The following CCDC180 variants were observed in gnomAD, a reference collection of about 807,000 sequenced individuals.
CCDC180 encodes the protein coiled-coil domain-containing protein 180.
A neutral mutation model predicts 209.2 loss-of-function variants in CCDC180; 154 were observed. The ratio of observed to expected loss-of-function variants is 0.74; its 90% CI spans 0.65 to 0.84. The LOEUF is 0.84. Among genes scored for constraint, CCDC180 ranks in the 40% least tolerant of loss-of-function variants. The pLI is 0.00. For synonymous variants in CCDC180, 778 were observed against 749.1 expected (o/e 1.04, Z -0.63); for missense variants, 1,874 against 1,997.3 (o/e 0.94, Z 1.18).
intron 16 of CCDC180, among the ~76,000 whole-genome samples, chr9:97,329,061 G>C (rs1323473348): frequency 2.0e-5 from 3 of 152,102 alleles, no homozygotes; most frequent in African/African-American, 7.2e-5. Context: ...ACTGAACCTG[G>C]CCAAAGGTTT....
intron 3 of CCDC180, 22 bp from the exon 4 acceptor site, chr9:97,312,091 C>A: frequency 6.2e-7 from 1 of 1,610,548 alleles, no homozygotes; most frequent in Admixed American, 1.7e-5. Flanking sequence ...TGGGACTTCA[C>A]TCTTCTCTGC....
intron 15 of CCDC180, among the ~76,000 whole-genome samples, chr9:97,327,645 C>T (rs1262473590): frequency 1.3e-5 from 2 of 152,082 alleles, no homozygotes; most frequent in African/African-American, 4.8e-5. Flanking sequence ...AGTACGTAAC[C>T]CTATGAGCCT....
intron 18 of CCDC180, 139 bp from the exon 19 acceptor site, chr9:97,343,201 G>C (rs891632818): frequency 5.2e-6 from 3 of 572,056 alleles, no homozygotes; most frequent in Middle Eastern, 5.3e-4. Flanking sequence ...TGTGGGGGGC[G>C]AAAAAACCTA....
chr9:97,345,639 T>C (rs988542579), intron 19 of CCDC180: 7 of 409,670 alleles, frequency 1.7e-5, no homozygotes, highest in African/African-American at 1.5e-4. Context: ...TAATTCCAGC[T>C]ACTCAAGAGG....
At chr9:97,324,761 T>C (rs890046017) in intron 13 of CCDC180, among the ~76,000 whole-genome samples, 2 of 152,214 alleles carry the variant, frequency 1.3e-5, no homozygotes, top group African/African-American at 4.8e-5. Flanking sequence ...TGTCAGAGAC[T>C]TTTGTGGAGC....
At chr9:97,344,664 C>G (rs1826195747) in intron 19 of CCDC180, among the ~76,000 whole-genome samples, 1 of 152,148 alleles carries the variant, frequency 6.6e-6, no homozygotes. Flanking sequence ...CCCTGTAACT[C>G]CAGAATCTTG....
In CCDC180 at chr9:97,361,720, C is replaced by T. The variant is rs1826758531; in HGVS notation, c.3484-6C>T. 3 of 1,613,646 alleles carry T rather than the reference C, an allele frequency of 1.9e-6. No individual in the cohort carries two copies. The East Asian group carries it at 6.7e-5, about 36-fold the overall frequency. The stretch of plus-strand genomic sequence containing the variant: ...ACACCCTCAGGCCCTTCTCTCTGGC[C>T]TGCAGAACACCATCCTGAAGGACCA... On this transcript the variant is annotated splice_polypyrimidine_tract_variant and splice_region_variant and intron_variant, in intron 26 of 36. Coordinates refer to ENST00000529487, the MANE Select transcript of CCDC180 (RefSeq NM_020893.6).
chr9:97,374,530 C>CT lies in CCDC180; in HGVS notation c.4601-9dup. ...GGTGAGGCTGCAGTCACTAGCCTGT[C>CT]TTTTGCCTCTAGGGATGGAGCCCCC... On this transcript the variant is annotated splice_polypyrimidine_tract_variant and intron_variant, in intron 34 of 36. Coordinates refer to ENST00000529487, the MANE Select transcript of CCDC180 (RefSeq NM_020893.6). 1 of 1,606,898 alleles carries CT rather than the reference C, an allele frequency of 6.2e-7. No homozygotes were observed. Among genetic ancestry groups the CT allele is most frequent in the African/African-American group, 1.3e-5 (1 of 74,884 alleles).
intron 3 of CCDC180, 53 bp from the exon 4 acceptor site, chr9:97,312,060 G>A: frequency 6.6e-7 from 1 of 1,524,048 alleles, no homozygotes; most frequent in South Asian, 1.1e-5. Flanking sequence ...TGCCAGAGCT[G>A]CCATGGATGG....
intron 8 of CCDC180, 48 bp from the exon 9 acceptor site, chr9:97,317,017 C>A (rs754757799): frequency 1.3e-6 from 2 of 1,542,042 alleles, no homozygotes; most frequent in Middle Eastern, 1.7e-4. Context: ...TGCCCTGACC[C>A]GAGAGAGACC....
At position 97,350,586 on chromosome 9, in the gene CCDC180, C is replaced by A. The variant is rs1035570319; in HGVS notation, c.3002+31C>A. 3.5e-5 allele frequency: 53 copies of A among 1,533,150 alleles called. No homozygotes were observed. The African/African-American group carries it at 4.1e-4, about 12-fold the overall frequency. 95.0% of individuals were successfully genotyped at this position (1,533,150 alleles called of 1,614,324 possible). A position where few individuals can be genotyped will look rare whatever the true frequency, so the allele number is the denominator to read the frequency against. On this transcript the variant is annotated intron_variant, in intron 22 of 36. Transcript: ENST00000529487. ...AGCCAGTGTCCAGGGCCTCTTCAGGCCACCTGAGTTTCTCTATTGGGATGT... is the reference window on the plus strand; with the variant it reads ...AGCCAGTGTCCAGGGCCTCTTCAGGACACCTGAGTTTCTCTATTGGGATGT...
chr9:97,364,439 T>C, intron 29 of CCDC180: 1 of 320,654 alleles, frequency 3.1e-6, no homozygotes, highest in South Asian at 3.2e-5. Context: ...CCCATTTCTC[T>C]TTTCCTTTAT....
chr9:97,364,352 A>G, intron 29 of CCDC180: 1 of 493,262 alleles, frequency 2.0e-6, no homozygotes, highest in Non-Finnish European at 3.6e-6. Flanking sequence ...CCAAGCTAAC[A>G]AGCATTTCCT....
chr9:97,315,288 C>T (rs1387702996), intron 8 of CCDC180, among the ~76,000 whole-genome samples: 3 of 152,146 alleles, frequency 2.0e-5, no homozygotes, highest in East Asian at 1.9e-4. Context: ...ATGCAATAGG[C>T]GCTACACTAT....
upstream of CCDC180, chr9:97,307,375 C>T (rs766842382): frequency 2.0e-6 from 1 of 511,768 alleles, no homozygotes; most frequent in South Asian, 1.5e-5. Context: ...TTGAGAGGTG[C>T]TTTCTGCAGG....
rs1248949140 is a variant in CCDC180 at position 97,370,680 on chromosome 9, C to T, written c.4390C>T (p.Pro1464Ser). The change falls in exon 33 of 37, where the codon CCC (proline) becomes TCC (serine). Residue 1464 changes from proline to serine, a missense_variant. Pro to Ser is a moderately conservative substitution (Grantham distance 74). Coordinates refer to ENST00000529487, the MANE Select transcript of CCDC180 (RefSeq NM_020893.6). ...AQKLHLNLGHPVHFQEMESLH... is the reference protein window; with the variant it reads ...AQKLHLNLGHSVHFQEMESLH... ...GAAGCTCCATCTAAATCTTGGACAC[C>T]CCGTACATTTCCAAGAAATGGAGTC... 6 of 1,613,944 alleles carry T rather than the reference C, an allele frequency of 3.7e-6. No individual in the cohort carries two copies. The Admixed American group carries it at 8.3e-5, about 22-fold the overall frequency.
intron 33 of CCDC180, 150 bp downstream of exon 33, chr9:97,370,928 A>G (rs1467166725): frequency 2.4e-5 from 6 of 246,378 alleles, no homozygotes; most frequent in Middle Eastern, 2.6e-3. Context: ...AATGGCCATT[A>G]TTGGCTGTTT....
At chr9:97,338,534 T>C (rs1173267736) in intron 18 of CCDC180, among the ~76,000 whole-genome samples, 2 of 152,202 alleles carry the variant, frequency 1.3e-5, no homozygotes, top group Non-Finnish European at 2.9e-5. Flanking sequence ...AGACAGTTTG[T>C]TGTGATTTCT....
chr9:97,366,503 G>A lies in CCDC180; in HGVS notation c.4048-56G>A. 2 of 1,575,322 alleles carry A rather than the reference G, an allele frequency of 1.3e-6. No individual in the cohort carries two copies. The highest frequency in any genetic ancestry group is 1.7e-6 in the Non-Finnish European group (2 of 1,157,096). ...GAGGGCAGGCTGGTGGATCCCAGGAGCAAGGGCCAGAGTCCCATGGAGTCC... is the reference window on the plus strand; with the variant it reads ...GAGGGCAGGCTGGTGGATCCCAGGAACAAGGGCCAGAGTCCCATGGAGTCC... On this transcript the variant is annotated intron_variant, in intron 30 of 36. Coordinates refer to ENST00000529487, the MANE Select transcript of CCDC180 (RefSeq NM_020893.6). This position sits in a 1 kb window ranked among gnomAD's most constrained non-coding sequence, Gnocchi z 4.3.
Sources: gnomAD v4.1 joint callset for allele counts (sites outside exome capture counted in the v4.1 genomes callset) on GRCh38, gnomAD v4.1.1 for gene constraint, Gnocchi (gnomAD v3.1) non-coding constraint, MANE v1.5 for transcripts, NCBI Gene and HGNC (gene_info 2026-07-23, HGNC 2026-07-21) for gene names.